SLC16A2: variants seen among roughly 807,000 people sequenced by gnomAD.
SLC16A2 encodes the protein solute carrier family 16 member 2, also known as monocarboxylate transporter 8.
Under a neutral mutation model 27.2 loss-of-function variants are expected in SLC16A2, and 3 were observed. The ratio of observed to expected loss-of-function variants is 0.11; its 90% CI spans 0.05 to 0.28. The LOEUF (loss-of-function observed/expected upper bound fraction) is 0.28. Ranked by LOEUF, SLC16A2 falls within the 10% of genes least tolerant of loss-of-function variation. SLC16A2 has a pLI of 1.00. For synonymous variants in SLC16A2, 202 were observed against 187.8 expected (o/e 1.08, Z -0.62); for missense variants, 295 against 458.5 (o/e 0.64, Z 3.26).
Position 74,525,903 on chromosome X carries a change from A to G in SLC16A2, c.1170+10A>G. The G allele has an allele frequency of 8.3e-7, 1 of 1,210,146 alleles. No homozygotes were observed. Among genetic ancestry groups the G allele is most frequent in the Non-Finnish European group, 1.1e-6 (1 of 894,566 alleles). The stretch of plus-strand genomic sequence containing the variant: ...GAAGATCTACTTGCAGGTGAGTGTG[A>G]CCACTTGTCCACTGTGGGGAGAAAC... On this transcript the variant is annotated intron_variant, in intron 4 of 5. Coordinates refer to ENST00000587091, the MANE Select transcript of SLC16A2 (RefSeq NM_006517.5).
intron 1 of SLC16A2, among the ~76,000 whole-genome samples, chrX:74,451,735 C>T (rs749025519): frequency 8.8e-6 from 1 of 113,091 alleles, no homozygotes; most frequent in African/African-American, 3.2e-5. Flanking sequence ...AGTGATGTGC[C>T]TATTTGCATT....
At chrX:74,453,611 T>C (rs966094323) in intron 1 of SLC16A2, among the ~76,000 whole-genome samples, 2 of 111,266 alleles carry the variant, frequency 1.8e-5, no homozygotes, top group Non-Finnish European at 3.8e-5. Context: ...TCTCACTATG[T>C]TTCCCATCTT....
At chrX:74,440,419 GTA>G (rs779712420) in intron 1 of SLC16A2, among the ~76,000 whole-genome samples, 20 of 110,294 alleles carry the variant, frequency 1.8e-4, no homozygotes, top group Non-Finnish European at 3.4e-4. Context: ...TTGTGTGTGT[GTA>G]TGTGTGTGTG....
chrX:74,425,517 C>T (rs1297153437), intron 1 of SLC16A2, among the ~76,000 whole-genome samples: 1 of 111,014 alleles, frequency 9.0e-6, no homozygotes, highest in Non-Finnish European at 1.9e-5. Flanking sequence ...CCAACCCAGA[C>T]CAAACAGCAG....
At chrX:74,507,158 G>A (rs1206771061) in intron 1 of SLC16A2, among the ~76,000 whole-genome samples, 1 of 109,408 alleles carries the variant, frequency 9.1e-6, no homozygotes, top group East Asian at 2.8e-4. Flanking sequence ...GTTTTGCCAT[G>A]TTGCCCAGGC....
intron 1 of SLC16A2, among the ~76,000 whole-genome samples, chrX:74,422,972 C>T (rs1928338013): frequency 8.8e-6 from 1 of 113,240 alleles, no homozygotes; most frequent in South Asian, 3.6e-4. Context: ...CCAGCTTTCC[C>T]CTGGAGCTGA....
At chrX:74,478,755 T>A (rs1301247852) in intron 1 of SLC16A2, among the ~76,000 whole-genome samples, 4 of 111,370 alleles carry the variant, frequency 3.6e-5, no homozygotes, top group Non-Finnish European at 5.7e-5. Context: ...TTAGTTTGGC[T>A]GGATATGAAA....
intron 1 of SLC16A2, among the ~76,000 whole-genome samples, chrX:74,483,329 A>G (rs1447524222): frequency 4.5e-5 from 5 of 111,517 alleles, no homozygotes; most frequent in Non-Finnish European, 7.5e-5. Context: ...ATGCCCTGGG[A>G]AATAAATTTT....
intron 1 of SLC16A2, among the ~76,000 whole-genome samples, chrX:74,457,899 T>C (rs1279505412): frequency 8.9e-6 from 1 of 111,780 alleles, no homozygotes; most frequent in African/African-American, 3.3e-5. Context: ...CCTCTTGTCT[T>C]GCTGGCTATG....
chrX:74,456,808 C>G (rs485156), intron 1 of SLC16A2, among the ~76,000 whole-genome samples: 1 of 110,632 alleles, frequency 9.0e-6, no homozygotes, highest in African/African-American at 3.3e-5. Context: ...CCCTTCTGTC[C>G]GGTAAATTTC....
At position 74,525,862 on chromosome X, in the gene SLC16A2, C is replaced by T; in HGVS notation, c.1139C>T (p.Ser380Phe). 8.3e-7 allele frequency: 1 copy of T among 1,211,578 alleles called. No homozygotes were observed. Among genetic ancestry groups the T allele is most frequent in the Non-Finnish European group, 1.1e-6 (1 of 895,477 alleles). ...CTTGTGTCAGGCCACATCAGTGACTCCATCCCTGGACTTAAGAAGATCTAC... is the reference window on the plus strand; with the variant it reads ...CTTGTGTCAGGCCACATCAGTGACTTCATCCCTGGACTTAAGAAGATCTAC... ...GRLVSGHISDSIPGLKKIYLQ... is the reference protein window; with the variant it reads ...GRLVSGHISDFIPGLKKIYLQ... The change falls in exon 4 of 6, where the codon TCC becomes TTC. Residue 380 changes from serine to phenylalanine, a missense_variant. By Grantham distance (155) the Ser-to-Phe change is radical. Transcript: ENST00000587091.
intron 1 of SLC16A2, among the ~76,000 whole-genome samples, chrX:74,450,203 A>G (rs1242071853): frequency 2.7e-5 from 3 of 112,670 alleles, no homozygotes; most frequent in East Asian, 2.8e-4. Flanking sequence ...CACCCCCATT[A>G]TATGCCCCAG....
intron 1 of SLC16A2, among the ~76,000 whole-genome samples, chrX:74,450,978 C>A (rs1431113687): frequency 8.9e-6 from 1 of 111,931 alleles, no homozygotes; most frequent in African/African-American, 3.2e-5. Flanking sequence ...AGGCAGAAAA[C>A]CAGAAAAGGT....
At chrX:74,497,334 G>A (rs1000897612) in intron 1 of SLC16A2, among the ~76,000 whole-genome samples, 1 of 110,721 alleles carries the variant, frequency 9.0e-6, no homozygotes, top group Non-Finnish European at 1.9e-5. Flanking sequence ...GGAGATGGTA[G>A]CCTTAGGGAG....
intron 1 of SLC16A2, among the ~76,000 whole-genome samples, chrX:74,437,294 C>T (rs1928646088): frequency 8.9e-6 from 1 of 112,372 alleles, no homozygotes. Flanking sequence ...AGTTAAAGTT[C>T]TAGTGACAAG....
chrX:74,519,753 A>AAAAAAAAAAAAGAACGAAAG (rs1930378645), intron 1 of SLC16A2, among the ~76,000 whole-genome samples: 1 of 73,095 alleles, frequency 1.4e-5, no homozygotes, highest in African/African-American at 4.1e-5. Flanking sequence ...GAAAGAAAGA[A>AAAAAAAAAAAAGAACGAAAG]AAAGAAAAAG....
At chrX:74,481,632 T>C (rs1410539431) in intron 1 of SLC16A2, among the ~76,000 whole-genome samples, 1 of 109,644 alleles carries the variant, frequency 9.1e-6, no homozygotes, top group Middle Eastern at 4.3e-3. Flanking sequence ...TTGCCAGTTC[T>C]GTGGATCTTT....
In SLC16A2 at chrX:74,531,490, C is replaced by A; in HGVS notation, c.1557C>A (p.Ala519=). The part of the protein sequence containing the change: ...QRDSSKDKML[A]PDPDPNGELL... ...ATTCCAGCAAGGATAAGATGTTGGCCCCTGACCCAGACCCCAATGGGGAGC... is the reference window on the plus strand; with the variant it reads ...ATTCCAGCAAGGATAAGATGTTGGCACCTGACCCAGACCCCAATGGGGAGC... The change falls in exon 6 of 6, where the codon GCC becomes GCA. Residue 519 remains alanine, a synonymous_variant. Transcript: ENST00000587091. 1 of 1,211,236 alleles carries A rather than the reference C, an allele frequency of 8.3e-7. No homozygotes were observed.
intron 1 of SLC16A2, among the ~76,000 whole-genome samples, chrX:74,468,279 C>T (rs1383073978): frequency 9.0e-6 from 1 of 111,598 alleles, no homozygotes. Flanking sequence ...CCATCACCCC[C>T]TCGCAGACCT....
Sources: allele counts gnomAD v4.1 joint callset (sites outside exome capture counted in the v4.1 genomes callset), GRCh38; gene constraint gnomAD v4.1.1; transcripts MANE v1.5; gene names NCBI Gene and HGNC (gene_info 2026-07-23, HGNC 2026-07-21).